CDYL2: variants seen among roughly 807,000 people sequenced by gnomAD.
CDYL2 encodes the protein chromodomain Y like 2, also known as chromodomain Y-like protein 2.
CDYL2 carries 23 observed loss-of-function variants against 49.4 expected under a neutral mutation model. That is an observed-to-expected ratio of 0.47 (90% CI 0.34 to 0.66). The LOEUF is 0.66. Among genes scored for constraint, CDYL2 ranks in the 30% least tolerant of loss-of-function variants. The pLI, the probability that CDYL2 is intolerant of heterozygous loss-of-function variation, is 0.01. For missense variants in CDYL2, 678 were observed against 656.4 expected, an observed-to-expected ratio of 1.03 and a Z score of -0.36; for synonymous variants, 360 against 268.8, an observed-to-expected ratio of 1.34 and a Z score of -3.32.
intron 1 of CDYL2, among the ~76,000 whole-genome samples, chr16:80,729,209 T>A (rs916646770): frequency 6.6e-6 from 1 of 152,142 alleles, no homozygotes; most frequent in Non-Finnish European, 1.5e-5. Context: ...GAAACCCATT[T>A]CACGTGCAGA....
chr16:80,730,787 A>G (rs1905300588), intron 1 of CDYL2, among the ~76,000 whole-genome samples: 1 of 152,238 alleles, frequency 6.6e-6, no homozygotes, highest in South Asian at 2.1e-4. Context: ...AAAAGAATGA[A>G]TTACTGATAC....
chr16:80,778,486 C>G (rs1396522988), intron 1 of CDYL2, among the ~76,000 whole-genome samples: 15 of 151,692 alleles, frequency 9.9e-5, no homozygotes, highest in Non-Finnish European at 2.2e-4. Flanking sequence ...ATTATAAAAC[C>G]CTCTTCACAA....
In CDYL2 at chr16:80,611,721, G is replaced by A. The variant is rs77294919; in HGVS notation, c.1218+905C>T. 9.8e-3 allele frequency among the ~76,000 whole-genome samples: 1,490 copies of A among 152,302 alleles called. 22 individuals carry two copies. The highest frequency in any genetic ancestry group is 0.056 in the South Asian group (270 of 4,828). ...CTCTCTAGCCTCAGTCTCCACATCC[G>A]CAAAATGGGGATCACAGCTGTCCTG... On this transcript the variant is annotated intron_variant, in intron 5 of 6. Transcript: ENST00000570137.
intron 1 of CDYL2, among the ~76,000 whole-genome samples, chr16:80,688,557 AAC>A (rs1481935113): frequency 6.6e-6 from 1 of 152,202 alleles, no homozygotes; most frequent in Non-Finnish European, 1.5e-5. Flanking sequence ...AAAGCAAACA[AAC>A]ACAAGGTTTT....
At chr16:80,645,920 G>A (rs1048105923) in intron 2 of CDYL2, among the ~76,000 whole-genome samples, 4 of 145,754 alleles carry the variant, frequency 2.7e-5, no homozygotes, top group Admixed American at 7.1e-5. Context: ...TCACTCATAG[G>A]TGGGAATTGA....
In CDYL2 at chr16:80,601,795, C is replaced by A. The variant is rs1162800825; in HGVS notation, c.*2593G>T. 6.6e-6 allele frequency: 1 copy of A among 152,166 alleles called. No individual in the cohort carries two copies. The highest frequency in any genetic ancestry group is 2.4e-5 in the African/African-American group (1 of 41,428). The allele number at this position is 152,166 out of a possible 1,614,324, so 9.4% of individuals were successfully genotyped here. On this transcript the variant is annotated 3_prime_UTR_variant, in exon 7 of 7. Coordinates refer to ENST00000570137, the MANE Select transcript of CDYL2 (RefSeq NM_152342.4). ...AACCAAAATACAGACTTTCACCACC[C>A]CCGTTACACCCAGGACCTGTGACTT...
At position 80,733,934 on chromosome 16, in the gene CDYL2, G is replaced by T. The variant is rs567488772; in HGVS notation, c.25-48805C>A. On this transcript the variant is annotated intron_variant, in intron 1 of 6. Coordinates refer to ENST00000570137, the MANE Select transcript of CDYL2 (RefSeq NM_152342.4). Reference sequence around the variant, plus strand: ...AAACTCTGCAATGACTCCCCAACAGGATTAAGTCTACTCCTCATGGCAAGA... The same window carrying T: ...AAACTCTGCAATGACTCCCCAACAGTATTAAGTCTACTCCTCATGGCAAGA... Among the ~76,000 whole-genome samples the T allele has an allele frequency of 3.2e-3, 480 of 152,236 alleles. 1 individual carries two copies. Among genetic ancestry groups the T allele is most frequent in the Non-Finnish European group, 5.6e-3 (382 of 68,016 alleles).
intron 1 of CDYL2, among the ~76,000 whole-genome samples, chr16:80,732,170 A>C (rs1905349830): frequency 1.3e-5 from 2 of 152,202 alleles, no homozygotes; most frequent in South Asian, 4.1e-4. Context: ...ACACTGAATA[A>C]TGAGAACATG....
intron 5 of CDYL2, among the ~76,000 whole-genome samples, chr16:80,611,494 G>T (rs2142364151): frequency 6.6e-6 from 1 of 152,244 alleles, no homozygotes; most frequent in East Asian, 1.9e-4. Context: ...CCAGCAGCGT[G>T]GTGCCTCCAA....
In CDYL2 at chr16:80,612,668, G is replaced by C; in HGVS notation, c.1176C>G (p.Gly392=). ...TCTGGGGGAAGGTGTAGGAGGAGCA[G>C]CCAGCAGGCGTGAGGCGGATGGTGG... ...PYATIRLTPA[G]CSSYTFPQIL... Residue 392 remains glycine (G), a synonymous_variant, in exon 5 of 7, where the codon GGC becomes GGG. Coordinates refer to ENST00000570137, the MANE Select transcript of CDYL2 (RefSeq NM_152342.4). The surrounding 1 kb of genome is among the most constrained non-coding windows in gnomAD (Gnocchi z 5.0). 1.2e-6 allele frequency: 2 copies of C among 1,612,922 alleles called. No homozygotes were observed. Among genetic ancestry groups the C allele is most frequent in the Non-Finnish European group, 1.7e-6 (2 of 1,179,798 alleles).
Position 80,757,551 on chromosome 16 carries a change from A to AT in CDYL2, c.24+46598_24+46599insA, listed in dbSNP as rs201231531. Among the ~76,000 whole-genome samples, 1,348 of 145,432 alleles carry AT rather than the reference A, an allele frequency of 9.3e-3. 31 individuals carry two copies. The highest frequency in any genetic ancestry group is 0.041 in the Admixed American group (611 of 14,762). ...AAGACTCTGTCTCAAAAAAAAAAAA[A>AT]AAATATATATATATATACACACACA... On this transcript the variant is annotated intron_variant, in intron 1 of 6. Transcript: ENST00000570137.
chr16:80,626,022 G>A (rs1907281782), intron 3 of CDYL2, among the ~76,000 whole-genome samples: 1 of 151,956 alleles, frequency 6.6e-6, no homozygotes, highest in African/African-American at 2.4e-5. Context: ...GAAATTGGTG[G>A]ATCACACCTG....
At chr16:80,703,281 T>C (rs1297702265) in intron 1 of CDYL2, among the ~76,000 whole-genome samples, 1 of 152,250 alleles carries the variant, frequency 6.6e-6, no homozygotes, top group Non-Finnish European at 1.5e-5. Flanking sequence ...AATAGCATTA[T>C]ATTTTAAAGG....
Position 80,725,989 on chromosome 16 carries a change from T to C in CDYL2, c.25-40860A>G, listed in dbSNP as rs566141937. Reference sequence around the variant, plus strand: ...TCTTACAAAGGCCAACTGTTAAGTGTTCCTTAGAATTTATTTAAGCTTCCT... The same window carrying C: ...TCTTACAAAGGCCAACTGTTAAGTGCTCCTTAGAATTTATTTAAGCTTCCT... On this transcript the variant is annotated intron_variant, in intron 1 of 6. Transcript: ENST00000570137. 6.8e-4 allele frequency among the ~76,000 whole-genome samples: 103 copies of C among 152,336 alleles called. 1 individual carries two copies. The highest frequency in any genetic ancestry group is 2.4e-3 in the African/African-American group (100 of 41,562).
rs1347918820 is a variant in CDYL2 at position 80,684,577 on chromosome 16, A to G, written c.577T>C (p.Cys193Arg). ...GCCAGTGTAGCGTGATTCACGTCAC[A>G]TTCACCCATATCTTGCTCTCCAACA... is the stretch of plus-strand genomic sequence containing the variant. ...DHVGEQDMGECDVNHATLAEN... is the reference protein window; with the variant it reads ...DHVGEQDMGERDVNHATLAEN... Residue 193 changes from cysteine to arginine, a missense_variant, in exon 2 of 7, where the codon TGT (cysteine) becomes CGT (arginine). Cys to Arg is a radical substitution (Grantham distance 180). Coordinates refer to ENST00000570137, the MANE Select transcript of CDYL2 (RefSeq NM_152342.4). 2 of 1,614,154 alleles carry G rather than the reference A, an allele frequency of 1.2e-6. No homozygotes were observed. Among genetic ancestry groups the G allele is most frequent in the Non-Finnish European group, 1.7e-6 (2 of 1,180,002 alleles).
intron 1 of CDYL2, among the ~76,000 whole-genome samples, chr16:80,687,795 T>C (rs973511077): frequency 1.3e-5 from 2 of 152,234 alleles, no homozygotes; most frequent in Non-Finnish European, 2.9e-5. Context: ...AGATGACTCA[T>C]AGAGCAAGGC....
chr16:80,599,181 T>C lies in CDYL2; in HGVS notation c.*5207A>G, dbSNP rs935072783. 6 of 152,166 alleles carry C rather than the reference T, an allele frequency of 3.9e-5. No individual in the cohort carries two copies. Among genetic ancestry groups the C allele is most frequent in the South Asian group, 2.1e-4 (1 of 4,830 alleles). The allele number at this position is 152,166 out of a possible 1,614,324, so 9.4% of individuals were successfully genotyped here. ...AGCCATAAAAACACCAGAGGTGAAG[T>C]TGAAAACTAGATATGGGTTTTTCTG... On this transcript the variant is annotated 3_prime_UTR_variant, in exon 7 of 7. Transcript: ENST00000570137.
chr16:80,627,382 C>T (rs185183845), intron 3 of CDYL2, among the ~76,000 whole-genome samples: 1 of 152,128 alleles, frequency 6.6e-6, no homozygotes, highest in East Asian at 1.9e-4. Context: ...GCCATACTTA[C>T]CTACTTCTCA....
rs1235478176 is a variant in CDYL2 at position 80,604,156 on chromosome 16, C to A, written c.*232G>T. On this transcript the variant is annotated 3_prime_UTR_variant, in exon 7 of 7. Coordinates refer to ENST00000570137, the MANE Select transcript of CDYL2 (RefSeq NM_152342.4). ...AGCCCTGGGAAGATACAGCCTTGGACAGCTCTCTGGCCAGGAAGGGCAGGG... is the reference window on the plus strand; with the variant it reads ...AGCCCTGGGAAGATACAGCCTTGGAAAGCTCTCTGGCCAGGAAGGGCAGGG... 1.4e-5 allele frequency: 8 copies of A among 570,204 alleles called. No individual in the cohort carries two copies. The highest frequency in any genetic ancestry group is 2.2e-5 in the Non-Finnish European group (7 of 319,926). 35.3% of individuals were successfully genotyped at this position (570,204 alleles called of 1,614,324 possible).
Sources: gnomAD v4.1 joint callset for allele counts (sites outside exome capture counted in the v4.1 genomes callset) on GRCh38, gnomAD v4.1.1 for gene constraint, Gnocchi (gnomAD v3.1) non-coding constraint, MANE v1.5 for transcripts, NCBI Gene and HGNC (gene_info 2026-07-23, HGNC 2026-07-21) for gene names.